The following RGS7 variants were observed in gnomAD, a reference collection of about 807,000 sequenced individuals.
RGS7 encodes regulator of G protein signaling 7.
Under a neutral mutation model 81.1 loss-of-function variants are expected in RGS7, and 27 were observed. The ratio of observed to expected loss-of-function variants is 0.33; its 90% confidence interval spans 0.25 to 0.46. The LOEUF is 0.46. RGS7 is among the 20% of genes least tolerant of loss of function. RGS7 has a pLI of 1.00. For synonymous variants in RGS7, 208 were observed against 207.7 expected (o/e 1.00, Z -0.01); for missense variants, 396 against 607.4 (o/e 0.65, Z 3.66).
chr1:241,120,504 C>T (rs372811364), intron 2 of RGS7, among the ~76,000 whole-genome samples: 3 of 152,198 alleles, frequency 2.0e-5, no homozygotes, highest in Middle Eastern at 3.4e-3. Flanking sequence ...TGCACCACCA[C>T]GCCTGGCTAA....
intron 3 of RGS7, among the ~76,000 whole-genome samples, chr1:241,028,071 T>C (rs891420389): frequency 3.9e-5 from 6 of 152,168 alleles, no homozygotes; most frequent in Non-Finnish European, 8.8e-5. Flanking sequence ...ATCAGCCATG[T>C]TGAGTGCTGG....
chr1:241,224,784 T>C (rs1253960119), intron 2 of RGS7, among the ~76,000 whole-genome samples: 1 of 152,142 alleles, frequency 6.6e-6, no homozygotes, highest in Non-Finnish European at 1.5e-5. Flanking sequence ...TCAGTCTGCA[T>C]TGTCTCATCT....
intron 6 of RGS7, among the ~76,000 whole-genome samples, chr1:240,928,875 T>C (rs1674932595): frequency 6.6e-6 from 1 of 152,158 alleles, no homozygotes; most frequent in African/African-American, 2.4e-5. Flanking sequence ...CCTCCCAAAG[T>C]GCTGGGATTA....
intron 4 of RGS7, among the ~76,000 whole-genome samples, chr1:240,981,167 T>G (rs1305245352): frequency 6.6e-6 from 1 of 152,148 alleles, no homozygotes; most frequent in Non-Finnish European, 1.5e-5. Context: ...TGGAGTGCAG[T>G]GGTGTGATTT....
At chr1:240,781,896 T>G (rs1684161957) in intron 18 of RGS7, among the ~76,000 whole-genome samples, 1 of 151,792 alleles carries the variant, frequency 6.6e-6, no homozygotes, top group African/African-American at 2.4e-5. Flanking sequence ...TCACCTGTAA[T>G]CCCAGCTACT....
At chr1:241,274,155 G>A (rs188467194) in intron 2 of RGS7, among the ~76,000 whole-genome samples, 1 of 152,336 alleles carries the variant, frequency 6.6e-6, no homozygotes, top group East Asian at 1.9e-4. Context: ...ATTAAGGTTA[G>A]AGTGGAAGTG....
rs76884246 is a variant in RGS7, at chr1:241,046,211, G to T, written c.175+52455C>A. Among the ~76,000 whole-genome samples, 849 of 152,038 alleles carry T rather than the reference G, an allele frequency of 5.6e-3. 6 individuals carry two copies. Among genetic ancestry groups the T allele is most frequent in the Admixed American group, 0.021 (319 of 15,280 alleles). On this transcript the variant is annotated intron_variant, in intron 3 of 18. Transcript: ENST00000440928. ...AGTACATGTGCAGGTTTGTTACGTG[G>T]GTATATTGCATAACACTGAGGTTTG... is the stretch of plus-strand genomic sequence containing the variant.
At chr1:241,026,990 G>T (rs796114864) in intron 3 of RGS7, among the ~76,000 whole-genome samples, 1 of 150,846 alleles carries the variant, frequency 6.6e-6, no homozygotes, top group African/African-American at 2.4e-5. Context: ...GAAAAAACAA[G>T]GTTCCAGCCT....
chr1:241,125,271 C>T (rs1030981695), intron 2 of RGS7, among the ~76,000 whole-genome samples: 7 of 152,148 alleles, frequency 4.6e-5, no homozygotes, highest in African/African-American at 1.7e-4. Context: ...CAATGCTACT[C>T]GCTCTAAGCA....
At chr1:240,896,183 G>C (rs1669064149) in intron 6 of RGS7, among the ~76,000 whole-genome samples, 1 of 152,144 alleles carries the variant, frequency 6.6e-6, no homozygotes, top group Non-Finnish European at 1.5e-5. Context: ...CTGGATATTA[G>C]CCCTTTGTCA....
At chr1:240,851,232 T>C (rs1229480234) in intron 9 of RGS7, among the ~76,000 whole-genome samples, 2 of 152,240 alleles carry the variant, frequency 1.3e-5, no homozygotes, top group Non-Finnish European at 2.9e-5. Flanking sequence ...TAATGTTCAT[T>C]GATCATTCCG....
At chr1:241,219,159 G>C (rs1013463596) in intron 2 of RGS7, among the ~76,000 whole-genome samples, 3 of 152,130 alleles carry the variant, frequency 2.0e-5, no homozygotes, top group African/African-American at 4.8e-5. Flanking sequence ...CGGTTTGGCT[G>C]TGTCCCCACC....
chr1:241,210,772 C>T (rs2074199394), intron 2 of RGS7, among the ~76,000 whole-genome samples: 1 of 152,154 alleles, frequency 6.6e-6, no homozygotes, highest in African/African-American at 2.4e-5. Context: ...GGGAATCATG[C>T]CTCACTGAGG....
At position 241,023,098 on chromosome 1, in the gene RGS7, A is replaced by G. The variant is rs1331155058; in HGVS notation, c.176-39969T>C. On this transcript the variant is annotated intron_variant, in intron 3 of 18. Transcript: ENST00000440928. ...CTACAGATATAGTTGTTATAGTTAA[A>G]TGAATAAAATCATGTAAAATTTACA... 3.4e-5 allele frequency among the ~76,000 whole-genome samples: 2 copies of G among 58,528 alleles called. 1 individual carries two copies. Among genetic ancestry groups the G allele is most frequent in the African/African-American group, 1.4e-4 (2 of 13,822 alleles). 38.4% of individuals were successfully genotyped at this position (58,528 alleles called of 152,430 possible).
intron 6 of RGS7, among the ~76,000 whole-genome samples, chr1:240,871,116 C>T (rs1664414584): frequency 6.6e-6 from 1 of 152,210 alleles, no homozygotes; most frequent in African/African-American, 2.4e-5. Flanking sequence ...AAGGCATTCA[C>T]AGCCCTCTGG....
Position 241,163,252 on chromosome 1 carries a change from G to A in RGS7, c.79-64490C>T, listed in dbSNP as rs1033433745. Among the ~76,000 whole-genome samples the A allele has an allele frequency of 6.6e-6, 1 of 152,200 alleles. No homozygotes were observed. The highest frequency in any genetic ancestry group is 1.5e-5 in the Non-Finnish European group (1 of 68,040). ...AAAAGAAGGTGATTTCACTCAGCCT[G>A]CTCAGTCCTAGGGCTCAGTAGCTTT... On this transcript the variant is annotated intron_variant, in intron 2 of 18. Coordinates refer to ENST00000440928, the MANE Select transcript of RGS7 (RefSeq NM_001364886.1). The surrounding 1 kb of genome is among the most constrained non-coding windows in gnomAD (Gnocchi z 4.6).
At chr1:241,318,083 G>C (rs553858431) in intron 2 of RGS7, among the ~76,000 whole-genome samples, 1 of 152,108 alleles carries the variant, frequency 6.6e-6, no homozygotes, top group Non-Finnish European at 1.5e-5. Context: ...TAATACATTT[G>C]TCTACGTGTT....
chr1:241,143,602 CCT>C (rs1210026217), intron 2 of RGS7, among the ~76,000 whole-genome samples: 4 of 152,164 alleles, frequency 2.6e-5, no homozygotes, highest in African/African-American at 9.7e-5. Context: ...CCACCAGGTC[CCT>C]CTCACAACAT....
chr1:241,316,255 T>C (rs1271120523), intron 2 of RGS7, among the ~76,000 whole-genome samples: 1 of 152,166 alleles, frequency 6.6e-6, no homozygotes, highest in African/African-American at 2.4e-5. Flanking sequence ...AACCCAGGTT[T>C]TGGGGGTTTG....
Sources: gnomAD v4.1 joint callset for allele counts (sites outside exome capture counted in the v4.1 genomes callset) on GRCh38, gnomAD v4.1.1 for gene constraint, Gnocchi (gnomAD v3.1) non-coding constraint, MANE v1.5 for transcripts, NCBI Gene and HGNC (gene_info 2026-07-23, HGNC 2026-07-21) for gene names.